The following SLC12A8 variants were observed in gnomAD, a reference collection of about 807,000 sequenced individuals.
The protein encoded by SLC12A8 is solute carrier family 12 member 8.
Under a neutral mutation model 75.6 loss-of-function variants are expected in SLC12A8, and 69 were observed. The observed-to-expected ratio is 0.91, with a 90% CI of 0.75 to 1.11. The LOEUF is 1.11. Ranked by LOEUF, SLC12A8 falls within the 50% of genes most tolerant of loss-of-function variation. SLC12A8 has a pLI of 0.00. For synonymous variants in SLC12A8, 365 were observed against 372.8 expected, an observed-to-expected ratio of 0.98 and a Z score of 0.24; for missense variants, 877 against 896.7, an observed-to-expected ratio of 0.98 and a Z score of 0.28.
chr3:125,190,538 C>G lies in SLC12A8; in HGVS notation c.52-17G>C, dbSNP rs746081448. 1.2e-6 allele frequency: 2 copies of G among 1,612,868 alleles called. No individual in the cohort carries two copies. The highest frequency in any genetic ancestry group is 2.2e-5 in the East Asian group (1 of 44,838). On this transcript the variant is annotated splice_polypyrimidine_tract_variant and intron_variant, in intron 2 of 13. Coordinates refer to ENST00000469902, the MANE Select transcript of SLC12A8 (RefSeq NM_024628.6). ...CAGGGCATCCTGCAAACAGAACACA[C>G]AGAAATCAGCTGAGGGGCCATTGGG... is the stretch of plus-strand genomic sequence containing the variant.
chr3:125,188,120 C>T (rs1210051603), intron 3 of SLC12A8, among the ~76,000 whole-genome samples: 1 of 152,150 alleles, frequency 6.6e-6, no homozygotes, highest in East Asian at 1.9e-4. Flanking sequence ...GTGGACCCCT[C>T]GTGAATGGCT....
At chr3:125,161,433 C>T (rs1934165073) in intron 5 of SLC12A8, among the ~76,000 whole-genome samples, 4 of 152,194 alleles carry the variant, frequency 2.6e-5, no homozygotes, top group Admixed American at 2.6e-4. Flanking sequence ...TGCTTTCTGG[C>T]CCCATATGTT....
chr3:125,210,280 CA>C (rs1935310645), intron 2 of SLC12A8, among the ~76,000 whole-genome samples: 1 of 152,152 alleles, frequency 6.6e-6, no homozygotes, highest in Non-Finnish European at 1.5e-5. Flanking sequence ...TGATAAGAAG[CA>C]TCAGCAAAGA....
At chr3:125,089,753 A>T in intron 12 of SLC12A8, among the ~76,000 whole-genome samples, 1 of 10,856 alleles carries the variant, frequency 9.2e-5, no homozygotes. Context: ...CAATGGCTTG[A>T]TCTCGGCTCA....
At chr3:125,159,627 G>C (rs537921837) in intron 5 of SLC12A8, among the ~76,000 whole-genome samples, 1 of 152,136 alleles carries the variant, frequency 6.6e-6, no homozygotes, top group South Asian at 2.1e-4. Context: ...ATGGGTGTGA[G>C]AGATGGAGGC....
chr3:125,179,833 T>C (rs1431374895), intron 4 of SLC12A8, among the ~76,000 whole-genome samples: 13 of 152,236 alleles, frequency 8.5e-5, no homozygotes, highest in African/African-American at 2.9e-4. Context: ...AGTGACGTTA[T>C]TTCATCAGTA....
intron 2 of SLC12A8, among the ~76,000 whole-genome samples, chr3:125,207,352 G>A (rs778477436): frequency 8.5e-5 from 13 of 152,154 alleles, no homozygotes; most frequent in Non-Finnish European, 1.6e-4. Context: ...GGTTTTTGGT[G>A]ACTTATTCTC....
intron 6 of SLC12A8, among the ~76,000 whole-genome samples, chr3:125,132,337 C>G (rs892970756): frequency 6.6e-6 from 1 of 152,164 alleles, no homozygotes; most frequent in Non-Finnish European, 1.5e-5. Context: ...ACTTCCAAGC[C>G]CTAGTTCCAG....
At chr3:125,108,521 A>G (rs1412273209) in intron 9 of SLC12A8, among the ~76,000 whole-genome samples, 1 of 151,950 alleles carries the variant, frequency 6.6e-6, no homozygotes, top group Non-Finnish European at 1.5e-5. Flanking sequence ...GGTGCACACC[A>G]CCATGCATGG....
At chr3:125,151,718 T>G (rs528870410) in intron 5 of SLC12A8, among the ~76,000 whole-genome samples, 7 of 152,378 alleles carry the variant, frequency 4.6e-5, no homozygotes, top group Admixed American at 1.3e-4. Context: ...TTTAGAATCT[T>G]CCTTTGCCAA....
intron 2 of SLC12A8, among the ~76,000 whole-genome samples, chr3:125,194,374 T>C (rs970063801): frequency 4.6e-5 from 7 of 151,874 alleles, no homozygotes; most frequent in Admixed American, 4.6e-4. Flanking sequence ...GGTGGGTGTT[T>C]TTAGTTCAGA....
chr3:125,123,890 T>C (rs756089110), intron 6 of SLC12A8, among the ~76,000 whole-genome samples: 40 of 152,300 alleles, frequency 2.6e-4, no homozygotes, highest in Non-Finnish European at 2.1e-4. Flanking sequence ...TTCCTTCAGA[T>C]CTTTTATACA....
chr3:125,181,079 A>G (rs929658485), intron 4 of SLC12A8, among the ~76,000 whole-genome samples: 1 of 152,204 alleles, frequency 6.6e-6, no homozygotes, highest in Non-Finnish European at 1.5e-5. Context: ...CTGAGGGTAG[A>G]CTGTCACTAC....
At chr3:125,091,205 A>C (rs918097101) in intron 12 of SLC12A8, among the ~76,000 whole-genome samples, 1 of 152,078 alleles carries the variant, frequency 6.6e-6, no homozygotes, top group Non-Finnish European at 1.5e-5. Context: ...CTCTTGGACT[A>C]TTGTTATTCA....
chr3:125,159,328 T>G (rs1934113604), intron 5 of SLC12A8, among the ~76,000 whole-genome samples: 1 of 152,160 alleles, frequency 6.6e-6, no homozygotes, highest in African/African-American at 2.4e-5. Flanking sequence ...ACCCCTGGAC[T>G]CAAGCAATCC....
chr3:125,155,362 C>A (rs1253410057), intron 5 of SLC12A8, among the ~76,000 whole-genome samples: 1 of 152,030 alleles, frequency 6.6e-6, no homozygotes, highest in Admixed American at 6.6e-5. Context: ...CTCAGTGTTT[C>A]AAAAAGTATT....
chr3:125,131,144 A>G (rs2993635), intron 6 of SLC12A8, among the ~76,000 whole-genome samples: 11,069 of 152,236 alleles, frequency 0.073, 486 homozygotes, highest in Admixed American at 0.095. Context: ...CTGTCCATTC[A>G]GGAGGAAGCT....
chr3:125,118,040 T>C (rs1939355887), intron 8 of SLC12A8, among the ~76,000 whole-genome samples: 3 of 152,232 alleles, frequency 2.0e-5, no homozygotes, highest in Admixed American at 6.5e-5. Flanking sequence ...CGTCTGCCTG[T>C]CCAGCCTCCT....
Position 125,131,632 on chromosome 3 carries a change from C to T in SLC12A8, c.736+4037G>A, listed in dbSNP as rs141236891. Among the ~76,000 whole-genome samples the T allele has an allele frequency of 2.6e-3, 389 of 152,312 alleles. 6 individuals carry two copies. The highest frequency in any genetic ancestry group is 9.0e-3 in the African/African-American group (376 of 41,562). On this transcript the variant is annotated intron_variant, in intron 6 of 13. Coordinates refer to ENST00000469902, the MANE Select transcript of SLC12A8 (RefSeq NM_024628.6). Reference sequence around the variant, plus strand: ...CAAACTCCCGGGCTCAAGTGATCTGCCCACGTCATCCTCCCAAAGTGCTGG... The same window carrying T: ...CAAACTCCCGGGCTCAAGTGATCTGTCCACGTCATCCTCCCAAAGTGCTGG...
Sources: allele counts gnomAD v4.1 joint callset (sites outside exome capture counted in the v4.1 genomes callset), GRCh38; gene constraint gnomAD v4.1.1; transcripts MANE v1.5; gene names NCBI Gene and HGNC (gene_info 2026-07-23, HGNC 2026-07-21).